BICD1: variants seen among roughly 807,000 people sequenced by gnomAD.
The protein encoded by BICD1 is BICD cargo adaptor 1.
Under a neutral mutation model 92.5 loss-of-function variants are expected in BICD1, and 35 were observed. That is an observed-to-expected ratio of 0.38 (90% CI 0.29 to 0.50). The LOEUF (loss-of-function observed/expected upper bound fraction) is 0.50, where lower values mean the gene tolerates loss of function less well. Among genes scored for constraint, BICD1 ranks in the 20% least tolerant of loss-of-function variants. The pLI, the probability that BICD1 is intolerant of heterozygous loss-of-function variation, is 0.93. For synonymous variants in BICD1, 429 were observed against 465.1 expected, an observed-to-expected ratio of 0.92 and a Z score of 1.00; for missense variants, 950 against 1,189.8, an observed-to-expected ratio of 0.80 and a Z score of 2.97.
chr12:32,110,981 G>GT, intron 1 of BICD1, among the ~76,000 whole-genome samples: 1 of 150,478 alleles, frequency 6.6e-6, no homozygotes, highest in Middle Eastern at 3.4e-3. Flanking sequence ...AAAACTTAAA[G>GT]TATAATAATA....
intron 8 of BICD1, among the ~76,000 whole-genome samples, chr12:32,356,425 G>A (rs1361329478): frequency 6.6e-6 from 1 of 152,166 alleles, no homozygotes; most frequent in Admixed American, 6.5e-5. Flanking sequence ...GCTGAGGCGA[G>A]CGGATCGTTT....
chr12:32,156,397 G>A (rs1013092284), intron 1 of BICD1, among the ~76,000 whole-genome samples: 2 of 152,060 alleles, frequency 1.3e-5, no homozygotes, highest in African/African-American at 2.4e-5. Flanking sequence ...TCCAGCTCCC[G>A]GGATGAATTA....
chr12:32,348,726 ATATATATATATATAT>A lies in BICD1; in HGVS notation c.2764+9748_2764+9762del, dbSNP rs1938737277. Among the ~76,000 whole-genome samples, 32 of 3,776 alleles carry A rather than the reference ATATATATATATATAT, an allele frequency of 8.5e-3. No individual in the cohort carries two copies. The East Asian group carries it at 0.25, about 29-fold the overall frequency. The allele number at this position is 3,776 out of a possible 152,430, so 2.5% of individuals were successfully genotyped here. A position where few individuals can be genotyped will look rare whatever the true frequency, so the allele number is the denominator to read the frequency against. On this transcript the variant is annotated intron_variant, in intron 8 of 9. Transcript: ENST00000652176. Reference sequence around the variant, plus strand: ...GATGCTTTCTAGCTCACACAAAAATATATATATATATATATATATATATATATATATATATATATA... The same window carrying A: ...GATGCTTTCTAGCTCACACAAAAATAATATATATATATATATATATATATA...
rs1329233405 is a variant in BICD1 at position 32,265,945 on chromosome 12, TAGGC to T, written c.427-28046_427-28043del. 2.0e-5 allele frequency among the ~76,000 whole-genome samples: 3 copies of T among 152,204 alleles called. No individual in the cohort carries two copies. The East Asian group carries it at 5.8e-4, about 29-fold the overall frequency. On this transcript the variant is annotated intron_variant, in intron 2 of 9. Coordinates refer to ENST00000652176, the MANE Select transcript of BICD1 (RefSeq NM_001714.4). The stretch of plus-strand genomic sequence containing the variant: ...ATTACACATCTGTCTCACGGCTTGT[TAGGC>T]AGCATGATGAATAAGCGTGTCATCT...
intron 1 of BICD1, among the ~76,000 whole-genome samples, chr12:32,200,195 G>A (rs1944866181): frequency 6.6e-6 from 1 of 152,142 alleles, no homozygotes; most frequent in Non-Finnish European, 1.5e-5. Context: ...ATCCACTTCT[G>A]CTTACACTTC....
chr12:32,262,961 T>C (rs184476318), intron 2 of BICD1, among the ~76,000 whole-genome samples: 5 of 150,556 alleles, frequency 3.3e-5, no homozygotes, highest in Non-Finnish European at 7.4e-5. Context: ...CTGGCCAACA[T>C]GGTGAAATCT....
rs1354178543 is a variant in BICD1, at chr12:32,366,229, T to C, written c.2765-1441T>C. On this transcript the variant is annotated intron_variant, in intron 8 of 9. Transcript: ENST00000652176. ...TTTTTATAACAGAATATAACAGTGA[T>C]ACTTAAATAGAAGACTTCAAATGTA... Among the ~76,000 whole-genome samples the C allele has an allele frequency of 2.0e-5, 3 of 152,358 alleles. No individual in the cohort carries two copies. In the East Asian group the frequency reaches 5.8e-4, roughly 29 times the overall value.
At chr12:32,166,711 A>G (rs1943781381) in intron 1 of BICD1, among the ~76,000 whole-genome samples, 1 of 152,222 alleles carries the variant, frequency 6.6e-6, no homozygotes, top group Non-Finnish European at 1.5e-5. Context: ...ATGTGGGATT[A>G]CAGACAGGCG....
intron 2 of BICD1, among the ~76,000 whole-genome samples, chr12:32,276,006 C>T (rs1402856246): frequency 6.6e-6 from 1 of 152,064 alleles, no homozygotes; most frequent in African/African-American, 2.4e-5. Context: ...ATCTTGGAAG[C>T]GGCTTGCCAC....
chr12:32,223,627 G>T (rs551363698), intron 2 of BICD1, among the ~76,000 whole-genome samples: 2 of 151,772 alleles, frequency 1.3e-5, no homozygotes, highest in South Asian at 4.1e-4. Context: ...AGACTGTTTC[G>T]CTTTCTTATC....
chr12:32,237,186 C>T (rs73310720), intron 2 of BICD1, among the ~76,000 whole-genome samples: 1 of 151,940 alleles, frequency 6.6e-6, no homozygotes, highest in Admixed American at 6.6e-5. Context: ...GGCCACCAAA[C>T]CCTAATTCAG....
chr12:32,152,162 G>A (rs2121438122), intron 1 of BICD1, among the ~76,000 whole-genome samples: 1 of 152,068 alleles, frequency 6.6e-6, no homozygotes. Flanking sequence ...TCGCCATGTT[G>A]CCCAGGCTGG....
intron 1 of BICD1, among the ~76,000 whole-genome samples, chr12:32,124,300 A>C (rs997770379): frequency 3.9e-5 from 6 of 152,184 alleles, no homozygotes; most frequent in African/African-American, 9.7e-5. Flanking sequence ...TTGTTGTTGG[A>C]GGCAACAGAG....
chr12:32,256,527 G>A (rs766770805), intron 2 of BICD1, among the ~76,000 whole-genome samples: 3 of 152,152 alleles, frequency 2.0e-5, no homozygotes, highest in Admixed American at 6.5e-5. Context: ...TGAGCTTCAG[G>A]TTTTAAAGCC....
rs1592306028 is a variant in BICD1, at chr12:32,107,535, G to C, written c.204G>C (p.Gln68His). Residue 68 changes from glutamine to histidine, a missense_variant, in exon 1 of 10, where the codon CAG (glutamine) becomes CAC (histidine). Transcript: ENST00000652176. ...ACAGCCTCAAACAGGAGCTGGAGCA[G>C]CTCAAAGAGGTGAGTTGCCTGTCAC... is the stretch of plus-strand genomic sequence containing the variant. ...EYDSLKQELEQLKEAFGQSFS... is the reference protein window; with the variant it reads ...EYDSLKQELEHLKEAFGQSFS... 1 of 1,585,164 alleles carries C rather than the reference G, an allele frequency of 6.3e-7. No individual in the cohort carries two copies. The highest frequency in any genetic ancestry group is 8.6e-7 in the Non-Finnish European group (1 of 1,166,246).
chr12:32,273,488 T>C (rs943491578), intron 2 of BICD1, among the ~76,000 whole-genome samples: 1 of 152,052 alleles, frequency 6.6e-6, no homozygotes, highest in African/African-American at 2.4e-5. Flanking sequence ...ACCACCAAGA[T>C]GCATGCATGA....
At chr12:32,343,874 T>C (rs1938472970) in intron 8 of BICD1, among the ~76,000 whole-genome samples, 1 of 152,252 alleles carries the variant, frequency 6.6e-6, no homozygotes, top group Admixed American at 6.5e-5. Context: ...TAGTAAAAAC[T>C]GCCTTTATGT....
chr12:32,362,550 G>C (rs557990596), intron 8 of BICD1, among the ~76,000 whole-genome samples: 2 of 152,034 alleles, frequency 1.3e-5, no homozygotes, highest in Non-Finnish European at 2.9e-5. Flanking sequence ...TTGTATTTTT[G>C]AGAGCGCTGG....
intron 1 of BICD1, among the ~76,000 whole-genome samples, chr12:32,141,136 C>T (rs1400578884): frequency 6.6e-6 from 1 of 152,164 alleles, no homozygotes; most frequent in Admixed American, 6.5e-5. Context: ...CTTTTCTGAG[C>T]CCTTGGCTTG....
Sources: allele counts gnomAD v4.1 joint callset (sites outside exome capture counted in the v4.1 genomes callset), GRCh38; gene constraint gnomAD v4.1.1; transcripts MANE v1.5; gene names NCBI Gene and HGNC (gene_info 2026-07-23, HGNC 2026-07-21).